IGSF21: variants seen among roughly 807,000 people sequenced by gnomAD.
IGSF21 encodes the protein immunoglobulin superfamily member 21.
IGSF21 carries 28 observed loss-of-function variants against 46.8 expected under a neutral mutation model. The observed-to-expected ratio is 0.60, with a 90% CI of 0.44 to 0.82. The LOEUF (loss-of-function observed/expected upper bound fraction) is 0.82. Ranked by LOEUF, IGSF21 falls within the 40% of genes least tolerant of loss-of-function variation. The probability of loss-of-function intolerance (pLI) is 0.00; values close to 1 mark genes in which losing one functional copy is unlikely to be tolerated. For synonymous variants in IGSF21, 284 were observed against 273.6 expected (o/e 1.04, Z -0.38); for missense variants, 624 against 665.5 (o/e 0.94, Z 0.69).
chr1:18,255,807 C>T (rs1453291604), intron 2 of IGSF21, among the ~76,000 whole-genome samples: 1 of 152,150 alleles, frequency 6.6e-6, no homozygotes, highest in Non-Finnish European at 1.5e-5. Context: ...TCCTGAGGTC[C>T]CAAAGTGCTG....
At chr1:18,319,082 AT>A (rs963541575) in intron 3 of IGSF21, among the ~76,000 whole-genome samples, 1 of 152,188 alleles carries the variant, frequency 6.6e-6, no homozygotes, top group African/African-American at 2.4e-5. Context: ...ATAAGAGTTT[AT>A]TTTTCTTTCT....
intron 1 of IGSF21, among the ~76,000 whole-genome samples, chr1:18,139,100 G>A (rs778309433): frequency 3.3e-5 from 5 of 152,156 alleles, no homozygotes; most frequent in Non-Finnish European, 7.4e-5. Flanking sequence ...ATATTTTCTG[G>A]ATTCTCTAGG....
rs747261852 is a variant in IGSF21, at chr1:18,334,896, C to T, written c.310C>T (p.Pro104Ser). The T allele has an allele frequency of 3.1e-6, 5 of 1,613,544 alleles. No homozygotes were observed. In the Admixed American group the frequency reaches 5.0e-5, roughly 16 times the overall value. Residue 104 changes from proline to serine, a missense_variant, in exon 4 of 10, where the codon CCC becomes TCC. Pro to Ser is a moderately conservative substitution (Grantham distance 74). Transcript: ENST00000251296. This position sits in a 1 kb window ranked among gnomAD's most constrained non-coding sequence, Gnocchi z 4.3. Reference sequence around the variant, plus strand: ...CCTGTCTTCTGCCTCCCCCAGGCTGCCCGAGGTCCGGATCTCAGACAATGG... The same window carrying T: ...CCTGTCTTCTGCCTCCCCCAGGCTGTCCGAGGTCCGGATCTCAGACAATGG... ...DLVYQSTVRL[P>S]EVRISDNGPY... is the part of the protein sequence containing the mutation.
chr1:18,137,757 G>A (rs1461680861), intron 1 of IGSF21, among the ~76,000 whole-genome samples: 1 of 152,206 alleles, frequency 6.6e-6, no homozygotes, highest in Non-Finnish European at 1.5e-5. Flanking sequence ...TTTGTGGTAA[G>A]CAAGATAGGT....
rs923020348 is a variant in IGSF21 at position 18,322,348 on chromosome 1, C to G, written c.306-12544C>G. On this transcript the variant is annotated intron_variant, in intron 3 of 9. Coordinates refer to ENST00000251296, the MANE Select transcript of IGSF21 (RefSeq NM_032880.5). The surrounding 1 kb of genome is among the most constrained non-coding windows in gnomAD (Gnocchi z 4.3). ...GTCCGGGAAACCCAGAGGCAGCCAC[C>G]TTCCACGCCCGTCTTCCCTCTTCTG... 6.6e-6 allele frequency among the ~76,000 whole-genome samples: 1 copy of G among 152,108 alleles called. No homozygotes were observed. The highest frequency in any genetic ancestry group is 2.4e-5 in the African/African-American group (1 of 41,418).
At chr1:18,199,595 G>A (rs1041310106) in intron 1 of IGSF21, among the ~76,000 whole-genome samples, 1 of 152,032 alleles carries the variant, frequency 6.6e-6, no homozygotes, top group Non-Finnish European at 1.5e-5. Flanking sequence ...ATCTGCATGT[G>A]CGTGATGGGA....
intron 3 of IGSF21, among the ~76,000 whole-genome samples, chr1:18,325,250 G>T (rs76761585): frequency 2.0e-5 from 3 of 152,132 alleles, no homozygotes; most frequent in Non-Finnish European, 4.4e-5. Flanking sequence ...CTGTCCTCAA[G>T]GAATGTCCAT....
intron 1 of IGSF21, among the ~76,000 whole-genome samples, chr1:18,175,986 C>T (rs2124464334): frequency 6.6e-6 from 1 of 152,288 alleles, no homozygotes; most frequent in African/African-American, 2.4e-5. Flanking sequence ...TCTGCCAGTC[C>T]CTGGGCATGC....
rs942996871 is a variant in IGSF21, at chr1:18,365,401, G to A, written c.719G>A (p.Arg240Gln). The A allele has an allele frequency of 1.9e-6, 3 of 1,613,764 alleles. No homozygotes were observed. Among genetic ancestry groups the A allele is most frequent in the South Asian group, 1.1e-5 (1 of 91,028 alleles). ...CTGGACGCCGAGAACCGGGGTGGGCGACCCTACACGGAGCGCCCCTCCCGT... is the reference window on the plus strand; with the variant it reads ...CTGGACGCCGAGAACCGGGGTGGGCAACCCTACACGGAGCGCCCCTCCCGT... ...SLLDAENRGG[R>Q]PYTERPSRGL... Residue 240 changes from arginine to glutamine, a missense_variant, in exon 6 of 10, where the codon CGA becomes CAA. Arg to Gln is a conservative substitution (Grantham distance 43). Transcript: ENST00000251296. This position sits in a 1 kb window ranked among gnomAD's most constrained non-coding sequence, Gnocchi z 4.8.
At chr1:18,149,400 G>C (rs892721656) in intron 1 of IGSF21, among the ~76,000 whole-genome samples, 1 of 152,174 alleles carries the variant, frequency 6.6e-6, no homozygotes, top group Non-Finnish European at 1.5e-5. Context: ...TGGCCATCCC[G>C]GCACGGTTCA....
chr1:18,293,336 T>C (rs1313291686), intron 3 of IGSF21, among the ~76,000 whole-genome samples: 1 of 152,072 alleles, frequency 6.6e-6, no homozygotes, highest in African/African-American at 2.4e-5. Flanking sequence ...GACAAGAAGA[T>C]TGTAAAGGGT....
chr1:18,290,216 C>T lies in IGSF21; in HGVS notation c.184-1650C>T, dbSNP rs1402337493. Among the ~76,000 whole-genome samples the T allele has an allele frequency of 1.3e-5, 2 of 152,136 alleles. No homozygotes were observed. Among genetic ancestry groups the T allele is most frequent in the Admixed American group, 1.3e-4 (2 of 15,280 alleles). ...TCATCTTCCTCCACTCTCATGGTCC[C>T]GTTTCAGAAGCTGGGCCTGTGCTGC... On this transcript the variant is annotated intron_variant, in intron 2 of 9. Transcript: ENST00000251296. This position sits in a 1 kb window ranked among gnomAD's most constrained non-coding sequence, Gnocchi z 4.2.
intron 2 of IGSF21, among the ~76,000 whole-genome samples, chr1:18,240,369 G>A (rs1391166010): frequency 6.6e-6 from 1 of 152,210 alleles, no homozygotes; most frequent in Non-Finnish European, 1.5e-5. Context: ...GGAGGAAACA[G>A]GTATTACATG....
rs1254447909 is a variant in IGSF21 at position 18,291,939 on chromosome 1, T to C, written c.257T>C (p.Met86Thr). The C allele has an allele frequency of 6.2e-7, 1 of 1,612,324 alleles. No homozygotes were observed. Among genetic ancestry groups the C allele is most frequent in the Non-Finnish European group, 8.5e-7 (1 of 1,179,634 alleles). The change falls in exon 3 of 10, where the codon ATG becomes ACG. Residue 86 changes from methionine to threonine, a missense_variant. Met to Thr is a moderately conservative substitution (Grantham distance 81). Coordinates refer to ENST00000251296, the MANE Select transcript of IGSF21 (RefSeq NM_032880.5). ...DAMFSTNYSH[M>T]ENYRKREDLV... ...ATGTTCTCCACCAACTACTCACACA[T>C]GGAGAACTACCGCAAGCGAGAGGAC...
At chr1:18,276,592 C>T (rs1297105276) in intron 2 of IGSF21, among the ~76,000 whole-genome samples, 3 of 152,228 alleles carry the variant, frequency 2.0e-5, no homozygotes, top group African/African-American at 7.2e-5. Context: ...GCAGGAATCT[C>T]AAAGAATATG....
rs1044111489 is a variant in IGSF21 at position 18,322,996 on chromosome 1, G to A, written c.306-11896G>A. On this transcript the variant is annotated intron_variant, in intron 3 of 9. Coordinates refer to ENST00000251296, the MANE Select transcript of IGSF21 (RefSeq NM_032880.5). The surrounding 1 kb of genome is among the most constrained non-coding windows in gnomAD (Gnocchi z 4.3). ...GGCCCAAGGTGAACAGCAGTGGCTG[G>A]ACAGGGCAGGAAAGAGCGGTCGGGA... Among the ~76,000 whole-genome samples the A allele has an allele frequency of 5.3e-5, 8 of 152,146 alleles. No homozygotes were observed. The highest frequency in any genetic ancestry group is 1.9e-4 in the African/African-American group (8 of 41,434).
chr1:18,303,184 T>C (rs2085378317), intron 3 of IGSF21, among the ~76,000 whole-genome samples: 1 of 152,206 alleles, frequency 6.6e-6, no homozygotes, highest in South Asian at 2.1e-4. Flanking sequence ...AAAGGCTCGT[T>C]AAATTAATGG....
chr1:18,226,211 C>T (rs1024659368), intron 1 of IGSF21, among the ~76,000 whole-genome samples: 2 of 152,166 alleles, frequency 1.3e-5, no homozygotes, highest in African/African-American at 4.8e-5. Flanking sequence ...GATCAGATTC[C>T]CTCTGTGCCC....
intron 4 of IGSF21, among the ~76,000 whole-genome samples, chr1:18,346,746 C>T (rs2085897321): frequency 6.6e-6 from 1 of 152,144 alleles, no homozygotes; most frequent in Admixed American, 6.5e-5. Flanking sequence ...CCAGCCGGAG[C>T]TTCTGAGAAG....
Sources: allele counts gnomAD v4.1 joint callset (sites outside exome capture counted in the v4.1 genomes callset), GRCh38; gene constraint gnomAD v4.1.1; non-coding constraint Gnocchi (gnomAD v3.1); transcripts MANE v1.5; gene names NCBI Gene and HGNC (gene_info 2026-07-23, HGNC 2026-07-21).